Variants in TBC1D9B observed in about 807,000 individuals in gnomAD.
TBC1D9B encodes TBC1 domain family member 9B.
Under a neutral mutation model 121.1 loss-of-function variants are expected in TBC1D9B, and 87 were observed. That is an observed-to-expected ratio of 0.72 (90% CI 0.60 to 0.86). The LOEUF (loss-of-function observed/expected upper bound fraction) is 0.86, where lower values mean the gene tolerates loss of function less well. Ranked by LOEUF, TBC1D9B falls within the 40% of genes least tolerant of loss-of-function variation. The probability of loss-of-function intolerance (pLI) is 0.00; values close to 1 mark genes in which losing one functional copy is unlikely to be tolerated. For synonymous variants in TBC1D9B, 668 were observed against 670.1 expected (o/e 1.00, Z 0.05); for missense variants, 1,540 against 1,628.6 (o/e 0.95, Z 0.94).
Position 179,879,615 on chromosome 5 carries a change from G to A in TBC1D9B, c.1416+13C>T, listed in dbSNP as rs570858367. 9.3e-6 allele frequency: 15 copies of A among 1,613,602 alleles called. No individual in the cohort carries two copies. Among genetic ancestry groups the A allele is most frequent in the Non-Finnish European group, 1.2e-5 (14 of 1,179,866 alleles). Reference sequence around the variant, plus strand: ...TCTTGACGGAGGCTGGAGTGCCGGCGCTCAGGGCTCACCCCCTTGGCTCCA... The same window carrying A: ...TCTTGACGGAGGCTGGAGTGCCGGCACTCAGGGCTCACCCCCTTGGCTCCA... On this transcript the variant is annotated intron_variant, in intron 8 of 20. Coordinates refer to ENST00000355235, the MANE Select transcript of TBC1D9B (RefSeq NM_015043.4).
chr5:179,900,931 A>C (rs1003473892), intron 2 of TBC1D9B, among the ~76,000 whole-genome samples: 2 of 152,060 alleles, frequency 1.3e-5, no homozygotes, highest in East Asian at 3.9e-4. Context: ...TGCCAGCTGG[A>C]GACAGCTCTG....
rs559608214 is a variant in TBC1D9B, at chr5:179,904,310, C to T, written c.229+392G>A. ...CGCGATCTCGGCTCACTGCAAGCTC[C>T]GCCTCCCGGGTTCACGCCATTCTCC... On this transcript the variant is annotated intron_variant, in intron 2 of 20. Coordinates refer to ENST00000355235, the MANE Select transcript of TBC1D9B (RefSeq NM_015043.4). The surrounding 1 kb of genome is among the most constrained non-coding windows in gnomAD (Gnocchi z 4.2). 2.1e-4 allele frequency among the ~76,000 whole-genome samples: 31 copies of T among 150,240 alleles called. No homozygotes were observed. Among genetic ancestry groups the T allele is most frequent in the African/African-American group, 4.9e-4 (20 of 40,408 alleles).
At chr5:179,870,752 C>T (rs1179848057) in intron 15 of TBC1D9B, 1 of 513,934 alleles carries the variant, frequency 1.9e-6, no homozygotes, top group Non-Finnish European at 3.4e-6. Context: ...CTGCTGGCCC[C>T]AGAGAAGGGC....
Position 179,888,171 on chromosome 5 carries a change from TCTGGAGGAAG to T in TBC1D9B, c.1176_1185del (p.Asp392GlufsTer62). Reference sequence around the variant, plus strand: ...CTGCCTGGCTGCTTGGATGGTGTTTTCTGGAGGAAGTCAGAGATCCTCTGCACCAAGAAAT... The same window carrying T: ...CTGCCTGGCTGCTTGGATGGTGTTTTTCAGAGATCCTCTGCACCAAGAAAT... On this transcript the variant is annotated frameshift_variant, in exon 7 of 21. Transcript: ENST00000355235. LOFTEE classifies it high-confidence loss of function. 1 of 1,613,804 alleles carries T rather than the reference TCTGGAGGAAG, an allele frequency of 6.2e-7. No individual in the cohort carries two copies. Among genetic ancestry groups the T allele is most frequent in the Non-Finnish European group, 8.5e-7 (1 of 1,179,910 alleles).
chr5:179,888,094 G>A lies in TBC1D9B; in HGVS notation c.1254+9C>T. 1 of 1,613,188 alleles carries A rather than the reference G, an allele frequency of 6.2e-7. No homozygotes were observed. On this transcript the variant is annotated intron_variant, in intron 7 of 20. Transcript: ENST00000355235. ...AACTCGACCCTGCTGCTCCCAAGGG[G>A]CTTCTCACCTCTGTGCTAGGGTCCA...
At chr5:179,883,286 T>C (rs557176019) in intron 7 of TBC1D9B, among the ~76,000 whole-genome samples, 1 of 152,386 alleles carries the variant, frequency 6.6e-6, no homozygotes, top group South Asian at 2.1e-4. Context: ...GCTTATTTTA[T>C]CAGTTTTCCT....
rs146382822 is a variant in TBC1D9B at position 179,894,561 on chromosome 5, G to A, written c.402C>T (p.Pro134=). The change falls in exon 4 of 21, where the codon CCC becomes CCT. Residue 134 remains proline (P), a synonymous_variant. Coordinates refer to ENST00000355235, the MANE Select transcript of TBC1D9B (RefSeq NM_015043.4). ...KNLQPQGDED[P]GKFKEAELKM... ...TCAGCTCAGCCTCCTTGAACTTCCC[G>A]GGGTCCTCGTCTCCCTGGGGCTGCA... The A allele has an allele frequency of 4.3e-5, 70 of 1,614,052 alleles. No individual in the cohort carries two copies. Among genetic ancestry groups the A allele is most frequent in the East Asian group, 6.7e-5 (3 of 44,884 alleles).
intron 2 of TBC1D9B, 113 bp from the exon 3 acceptor site, chr5:179,899,420 C>T (rs1353887611): frequency 1.2e-6 from 1 of 816,838 alleles, no homozygotes; most frequent in African/African-American, 1.7e-5. Flanking sequence ...TCTAAGTGAC[C>T]AGAATCTTCA....
At chr5:179,903,493 C>T (rs985575397) in intron 2 of TBC1D9B, among the ~76,000 whole-genome samples, 11 of 152,144 alleles carry the variant, frequency 7.2e-5, no homozygotes, top group African/African-American at 1.7e-4. Context: ...AAGGTGGCCG[C>T]GAACACTGAG....
In TBC1D9B at chr5:179,874,328, G is replaced by A. The variant is rs939265857; in HGVS notation, c.2186+574C>T. Among the ~76,000 whole-genome samples the A allele has an allele frequency of 6.6e-6, 1 of 152,132 alleles. No individual in the cohort carries two copies. The highest frequency in any genetic ancestry group is 1.5e-5 in the Non-Finnish European group (1 of 68,022). ...AAAGGGCATGGTGGGCCTGGGCTGA[G>A]GCAGCAGGCTGAAGGGAAGGGGCTG... On this transcript the variant is annotated intron_variant, in intron 12 of 20. Coordinates refer to ENST00000355235, the MANE Select transcript of TBC1D9B (RefSeq NM_015043.4). The surrounding 1 kb of genome is among the most constrained non-coding windows in gnomAD (Gnocchi z 4.3).
chr5:179,897,357 G>A (rs1314202583), intron 3 of TBC1D9B, among the ~76,000 whole-genome samples: 5 of 149,544 alleles, frequency 3.3e-5, no homozygotes, highest in Non-Finnish European at 5.9e-5. Context: ...CTGTTGCCCA[G>A]GCTGGAGTGC....
At chr5:179,903,445 T>G (rs1307532184) in intron 2 of TBC1D9B, among the ~76,000 whole-genome samples, 1 of 152,168 alleles carries the variant, frequency 6.6e-6, no homozygotes, top group South Asian at 2.1e-4. Context: ...GGAGGACAAC[T>G]ACAGCGGATT....
In TBC1D9B at chr5:179,865,856, C is replaced by T. The variant is rs759413009; in HGVS notation, c.2896G>A (p.Gly966Arg). The T allele has an allele frequency of 8.7e-6, 14 of 1,611,604 alleles. No homozygotes were observed. The East Asian group carries it at 1.1e-4, about 13-fold the overall frequency. ...CCTGTACCTCCTCTCTCCTCACTTC[C>T]ACTTCCTTCTTGCTCTTCCTGTGGT... is the stretch of plus-strand genomic sequence containing the variant. ...ALPQEEQEGS[G>R]SEERGEEKGT... Residue 966 changes from glycine (G) to arginine (R), a missense_variant, in exon 19 of 21, where the codon GGA (glycine) becomes AGA (arginine). Gly to Arg is a moderately radical substitution (Grantham distance 125, BLOSUM62 -2). Coordinates refer to ENST00000355235, the MANE Select transcript of TBC1D9B (RefSeq NM_015043.4). This position sits in a 1 kb window ranked among gnomAD's most constrained non-coding sequence, Gnocchi z 5.1.
At chr5:179,889,123 G>A (rs986469644) in intron 6 of TBC1D9B, among the ~76,000 whole-genome samples, 9 of 151,832 alleles carry the variant, frequency 5.9e-5, no homozygotes, top group Non-Finnish European at 8.8e-5. Flanking sequence ...TCTGCCTCCC[G>A]GGTTCACGCC....
chr5:179,896,036 G>A (rs988195328), intron 3 of TBC1D9B, among the ~76,000 whole-genome samples: 2 of 152,080 alleles, frequency 1.3e-5, no homozygotes, highest in African/African-American at 2.4e-5. Flanking sequence ...GACACCGCAC[G>A]CATCTGCAAA....
At position 179,865,413 on chromosome 5, in the gene TBC1D9B, C is replaced by A. The variant is rs368384260; in HGVS notation, c.2915-53G>T. ...CTTTGTCATGTGAGACGGCTGCGGGCTGACAGCAGGGAGAGGAAGAGTTGG... is the reference window on the plus strand; with the variant it reads ...CTTTGTCATGTGAGACGGCTGCGGGATGACAGCAGGGAGAGGAAGAGTTGG... On this transcript the variant is annotated intron_variant, in intron 19 of 20. Coordinates refer to ENST00000355235, the MANE Select transcript of TBC1D9B (RefSeq NM_015043.4). The surrounding 1 kb of genome is among the most constrained non-coding windows in gnomAD (Gnocchi z 5.1). The A allele has an allele frequency of 1.9e-6, 3 of 1,544,858 alleles. No homozygotes were observed.
chr5:179,873,133 T>C lies in TBC1D9B; in HGVS notation c.2302A>G (p.Lys768Glu). The C allele has an allele frequency of 1.2e-6, 2 of 1,611,690 alleles. No homozygotes were observed. Among genetic ancestry groups the C allele is most frequent in the Non-Finnish European group, 1.7e-6 (2 of 1,178,892 alleles). Residue 768 changes from lysine to glutamate, a missense_variant, in exon 13 of 21, where the codon AAA becomes GAA. By Grantham distance (56) the Lys-to-Glu change is moderately conservative (BLOSUM62 1). Coordinates refer to ENST00000355235, the MANE Select transcript of TBC1D9B (RefSeq NM_015043.4). ...PAEVDIFELL[K>E]VSYEKFSSLR... is the part of the protein sequence containing the mutation. ...TGGGTGCTGACCTCATAGGACACTT[T>C]CAGGAGCTCAAAGATGTCCACCTCT... is the stretch of plus-strand genomic sequence containing the variant.
chr5:179,863,897 G>A lies in TBC1D9B; in HGVS notation c.3253C>T (p.Pro1085Ser). 6.2e-7 allele frequency: 1 copy of A among 1,613,306 alleles called. No individual in the cohort carries two copies. The highest frequency in any genetic ancestry group is 1.6e-4 in the Middle Eastern group (1 of 6,062). Residue 1085 changes from proline (P) to serine (S), a missense_variant, in exon 21 of 21, where the codon CCA (proline) becomes TCA (serine). Physicochemically the swap from Pro to Ser is moderately conservative, Grantham distance 74 (BLOSUM62 -1). Transcript: ENST00000355235. The surrounding 1 kb of genome is among the most constrained non-coding windows in gnomAD (Gnocchi z 4.5). Reference protein sequence around the residue: ...HQDAARELQPPAAGDPQAKAG... With the variant: ...HQDAARELQPSAAGDPQAKAG... Reference sequence around the variant, plus strand: ...TTGGCTTGGGGGTCTCCTGCAGCTGGGGGCTGAAGCTCCCTGGCTGCGTCC... The same window carrying A: ...TTGGCTTGGGGGTCTCCTGCAGCTGAGGGCTGAAGCTCCCTGGCTGCGTCC...
In TBC1D9B at chr5:179,862,915, A is replaced by C. The variant is rs1759887758; in HGVS notation, c.*533T>G. ...CCTGTGCGCAGCGCCCACTCTGTGCAATAAACATGTTCTGCCCATGTTCCT... is the reference window on the plus strand; with the variant it reads ...CCTGTGCGCAGCGCCCACTCTGTGCCATAAACATGTTCTGCCCATGTTCCT... On this transcript the variant is annotated 3_prime_UTR_variant, in exon 21 of 21. Transcript: ENST00000355235. 3.6e-6 allele frequency: 1 copy of C among 278,910 alleles called. No homozygotes were observed. Among genetic ancestry groups the C allele is most frequent in the Non-Finnish European group, 7.4e-6 (1 of 135,756 alleles). The allele number at this position is 278,910 out of a possible 1,614,324, so 17.3% of individuals were successfully genotyped here.
Sources: allele counts gnomAD v4.1 joint callset (sites outside exome capture counted in the v4.1 genomes callset), GRCh38; gene constraint gnomAD v4.1.1; non-coding constraint Gnocchi (gnomAD v3.1); transcripts MANE v1.5; gene names NCBI Gene and HGNC (gene_info 2026-07-23, HGNC 2026-07-21).